Variants in MTFR1L observed in about 807,000 individuals in gnomAD.
The protein encoded by MTFR1L is mitochondrial fission regulator 1-like.
In MTFR1L, 10 loss-of-function variants were observed where a neutral mutation model predicts 27.9. That is an observed-to-expected ratio of 0.36 (90% CI 0.22 to 0.61). The LOEUF is 0.61. Among genes scored for constraint, MTFR1L ranks in the 20% least tolerant of loss-of-function variants. MTFR1L has a pLI of 0.73. For synonymous variants in MTFR1L, 151 were observed against 139.4 expected (o/e 1.08, Z -0.58); for missense variants, 315 against 363.7 (o/e 0.87, Z 1.09).
intron 1 of MTFR1L, chr1:25,820,472 AG>A: frequency 2.7e-6 from 1 of 377,138 alleles, no homozygotes; most frequent in South Asian, 1.9e-5. Context: ...CCGCGGGGAG[AG>A]GGTCCGCGCG....
intron 5 of MTFR1L, among the ~76,000 whole-genome samples, chr1:25,827,864 T>TATAGGCGC (rs2048188316): frequency 6.6e-6 from 1 of 152,124 alleles, no homozygotes; most frequent in Non-Finnish European, 1.5e-5. Context: ...TAGCTGGGAT[T>TATAGGCGC]ATAGGCGCAT....
At chr1:25,827,708 T>G (rs1413459133) in intron 5 of MTFR1L, among the ~76,000 whole-genome samples, 2 of 151,966 alleles carry the variant, frequency 1.3e-5, no homozygotes. Context: ...TCCAAAGTGC[T>G]AAGATTATAG....
chr1:25,831,105 G>A (rs984945995), intron 6 of MTFR1L, among the ~76,000 whole-genome samples: 4 of 152,192 alleles, frequency 2.6e-5, no homozygotes, highest in Admixed American at 1.3e-4. Context: ...AAGGAGCTGG[G>A]TCAGTGAATA....
At chr1:25,830,923 C>G (rs2048230838) in intron 6 of MTFR1L, among the ~76,000 whole-genome samples, 1 of 152,174 alleles carries the variant, frequency 6.6e-6, no homozygotes, top group Admixed American at 6.5e-5. Flanking sequence ...CTTTGGTCTT[C>G]CACATTCCCA....
chr1:25,832,122 C>G lies in MTFR1L; in HGVS notation c.*96C>G. 6.3e-7 allele frequency: 1 copy of G among 1,599,762 alleles called. No individual in the cohort carries two copies. Among genetic ancestry groups the G allele is most frequent in the Non-Finnish European group, 8.5e-7 (1 of 1,174,500 alleles). On this transcript the variant is annotated 3_prime_UTR_variant, in exon 7 of 7. Transcript: ENST00000374303. ...ATGTTTCTGCCTCTTAAGGATAGAT[C>G]TTCTGCAACAGTCTTGCTGACAAGC... is the stretch of plus-strand genomic sequence containing the variant.
chr1:25,823,544 T>C (rs565587860), intron 2 of MTFR1L, 100 bp from the exon 3 acceptor site: 1 of 1,532,226 alleles, frequency 6.5e-7, no homozygotes, highest in East Asian at 2.4e-5. Flanking sequence ...TGTCCCTAGG[T>C]TTGTGGAATT....
rs1485502502 is a variant in MTFR1L at position 25,823,118 on chromosome 1, A to G, written c.14A>G (p.Glu5Gly). ...GAGCTGGTTCAAATGTCAGGAATGG[A>G]AGCCACTGTGGTAAGGGGCATTCCC... MSGM[E>G]ATVTIPIWQN... The change falls in exon 2 of 7, where the codon GAA becomes GGA. Residue 5 changes from glutamate to glycine, a missense_variant. By Grantham distance (98) the Glu-to-Gly change is moderately conservative (BLOSUM62 -2). Coordinates refer to ENST00000374303, the MANE Select transcript of MTFR1L (RefSeq NM_001099625.2). 6.2e-7 allele frequency: 1 copy of G among 1,614,056 alleles called. No homozygotes were observed. The highest frequency in any genetic ancestry group is 1.3e-5 in the African/African-American group (1 of 74,926).
rs2048177217 is a variant in MTFR1L, at chr1:25,826,948, G to C, written c.451+122G>C. ...TGCAGGTACTTAGGTTCCGGGCCCTGGGGTTGTCCTGAAGCCTGGCTAGCC... is the reference window on the plus strand; with the variant it reads ...TGCAGGTACTTAGGTTCCGGGCCCTCGGGTTGTCCTGAAGCCTGGCTAGCC... On this transcript the variant is annotated intron_variant, in intron 5 of 6. Transcript: ENST00000374303. This position sits in a 1 kb window ranked among gnomAD's most constrained non-coding sequence, Gnocchi z 4.1. The C allele has an allele frequency of 8.9e-7, 1 of 1,121,020 alleles. No individual in the cohort carries two copies. The highest frequency in any genetic ancestry group is 1.3e-6 in the Non-Finnish European group (1 of 786,162). The allele number at this position is 1,121,020 out of a possible 1,614,324, so 69.4% of individuals were successfully genotyped here. A position where few individuals can be genotyped will look rare whatever the true frequency, so the allele number is the denominator to read the frequency against.
chr1:25,825,075 TA>T (rs2048150449), intron 3 of MTFR1L, among the ~76,000 whole-genome samples: 1 of 152,226 alleles, frequency 6.6e-6, no homozygotes, highest in Non-Finnish European at 1.5e-5. Flanking sequence ...CCAAATGCCC[TA>T]TTTTAGCACT....
chr1:25,820,348 G>A, intron 1 of MTFR1L: 3 of 455,782 alleles, frequency 6.6e-6, no homozygotes, highest in Non-Finnish European at 8.8e-6. Context: ...CCGCGCACTC[G>A]GGTCCGGGTC....
chr1:25,820,023 G>C lies in MTFR1L; in HGVS notation c.-93G>C, dbSNP rs1127818. The stretch of plus-strand genomic sequence containing the variant: ...GAGGTGAGAGAGTCCGGGAGCCCGA[G>C]CTTGAGGTGAGAAAGGTTCTAGGGA... On this transcript the variant is annotated 5_prime_UTR_variant, in exon 1 of 7. Coordinates refer to ENST00000374303, the MANE Select transcript of MTFR1L (RefSeq NM_001099625.2). 0.51 allele frequency: 183,015 copies of C among 360,728 alleles called. 51,594 individuals are homozygous for C. The highest frequency in any genetic ancestry group is 0.72 in the South Asian group (35,571 of 49,442). 22.3% of individuals were successfully genotyped at this position (360,728 alleles called of 1,614,324 possible). A position where few individuals can be genotyped will look rare whatever the true frequency, so the allele number is the denominator to read the frequency against.
Position 25,831,987 on chromosome 1 carries a change from T to G in MTFR1L, c.840T>G (p.Phe280Leu). 1 of 1,614,228 alleles carries G rather than the reference T, an allele frequency of 6.2e-7. No individual in the cohort carries two copies. Among genetic ancestry groups the G allele is most frequent in the Non-Finnish European group, 8.5e-7 (1 of 1,180,040 alleles). ...VLISEVLRRK[F>L]ALKEEDISRK... ...TCTCTGAGGTCCTAAGGAGGAAGTTTGCTCTAAAGGAAGAAGATATCAGTA... is the reference window on the plus strand; with the variant it reads ...TCTCTGAGGTCCTAAGGAGGAAGTTGGCTCTAAAGGAAGAAGATATCAGTA... The change falls in exon 7 of 7, where the codon TTT becomes TTG. Residue 280 changes from phenylalanine to leucine, a missense_variant. Coordinates refer to ENST00000374303, the MANE Select transcript of MTFR1L (RefSeq NM_001099625.2).
Position 25,826,881 on chromosome 1 carries a change from T to C in MTFR1L, c.451+55T>C, listed in dbSNP as rs898617442. 38 of 1,578,864 alleles carry C rather than the reference T, an allele frequency of 2.4e-5. No homozygotes were observed. Among genetic ancestry groups the C allele is most frequent in the South Asian group, 3.4e-5 (3 of 88,880 alleles). On this transcript the variant is annotated intron_variant, in intron 5 of 6. Transcript: ENST00000374303. The surrounding 1 kb of genome is among the most constrained non-coding windows in gnomAD (Gnocchi z 4.1). ...TAACAGGCTGTTCCTTTCCCCTGGC[T>C]CTTGGGCAGGATAGGGGTAAAGAAA... is the stretch of plus-strand genomic sequence containing the variant.
Position 25,826,757 on chromosome 1 carries a change from A to G in MTFR1L, c.382A>G (p.Thr128Ala). The G allele has an allele frequency of 6.2e-7, 1 of 1,614,102 alleles. No homozygotes were observed. Among genetic ancestry groups the G allele is most frequent in the Non-Finnish European group, 8.5e-7 (1 of 1,180,026 alleles). ...KKPALPALSRTTELQDELSHL... is the reference protein window; with the variant it reads ...KKPALPALSRATELQDELSHL... ...GCCAGCTCTGCCAGCCCTAAGCCGCACTACTGAGCTGCAGGACGAGCTGAG... is the reference window on the plus strand; with the variant it reads ...GCCAGCTCTGCCAGCCCTAAGCCGCGCTACTGAGCTGCAGGACGAGCTGAG... Residue 128 changes from threonine (T) to alanine (A), a missense_variant, in exon 5 of 7, where the codon ACT (threonine) becomes GCT (alanine). Coordinates refer to ENST00000374303, the MANE Select transcript of MTFR1L (RefSeq NM_001099625.2). This position sits in a 1 kb window ranked among gnomAD's most constrained non-coding sequence, Gnocchi z 4.1.
At position 25,829,715 on chromosome 1, in the gene MTFR1L, G is replaced by A. The variant is rs763714723; in HGVS notation, c.658G>A (p.Ala220Thr). ...TGAATGTTGCAAACCAGAACACAAA[G>A]CTGCCTGCAGTTCGTCTGAAGAGGA... ...SPECCKPEHK[A>T]ACSSSEEDDC... The change falls in exon 6 of 7, where the codon GCT becomes ACT. Residue 220 changes from alanine (A) to threonine (T), a missense_variant. Coordinates refer to ENST00000374303, the MANE Select transcript of MTFR1L (RefSeq NM_001099625.2). 34 of 1,613,934 alleles carry A rather than the reference G, an allele frequency of 2.1e-5. No homozygotes were observed. In the Admixed American group the frequency reaches 5.7e-4, roughly 27 times the overall value.
intron 6 of MTFR1L, 49 bp from the exon 7 acceptor site, chr1:25,831,872 A>G (rs763466588): frequency 2.1e-4 from 301 of 1,416,892 alleles, no homozygotes; most frequent in Admixed American, 5.9e-4. Flanking sequence ...AAAGATATAC[A>G]GCACTACACA....
chr1:25,824,463 A>G (rs551582322), intron 3 of MTFR1L, among the ~76,000 whole-genome samples: 11 of 152,370 alleles, frequency 7.2e-5, no homozygotes, highest in Non-Finnish European at 1.0e-4. Context: ...GAGCTGGGAT[A>G]CAAAAGAAAT....
Position 25,823,281 on chromosome 1 carries a change from TAAG to T in MTFR1L, c.24+159_24+161del, listed in dbSNP as rs754010875. On this transcript the variant is annotated intron_variant, in intron 2 of 6. Coordinates refer to ENST00000374303, the MANE Select transcript of MTFR1L (RefSeq NM_001099625.2). ...AGGCCACCGTTTCACTCCCTCCCCC[TAAG>T]AAGAACCAACTATGATCCTGGGGCA... 2.4e-4 allele frequency: 200 copies of T among 816,680 alleles called. 1 individual carries two copies. The highest frequency in any genetic ancestry group is 3.8e-4 in the Non-Finnish European group (179 of 471,486). The allele number at this position is 816,680 out of a possible 1,614,324, so 50.6% of individuals were successfully genotyped here.
chr1:25,827,693 G>A (rs973148141), intron 5 of MTFR1L, among the ~76,000 whole-genome samples: 2 of 150,894 alleles, frequency 1.3e-5, no homozygotes, highest in African/African-American at 4.9e-5. Context: ...CACCCAGCTC[G>A]GCCTTCCAAA....
Sources: gnomAD v4.1 joint callset for allele counts (sites outside exome capture counted in the v4.1 genomes callset) on GRCh38, gnomAD v4.1.1 for gene constraint, Gnocchi (gnomAD v3.1) non-coding constraint, MANE v1.5 for transcripts, NCBI Gene and HGNC (gene_info 2026-07-23, HGNC 2026-07-21) for gene names.